GLRX3: variants seen among roughly 807,000 people sequenced by gnomAD.
The protein encoded by GLRX3 is glutaredoxin 3, also known as glutaredoxin-3.
Under a neutral mutation model 49.5 loss-of-function variants are expected in GLRX3, and 22 were observed. That is an observed-to-expected ratio of 0.44 (90% confidence interval 0.32 to 0.63). The LOEUF (loss-of-function observed/expected upper bound fraction) is 0.63, where lower values mean the gene tolerates loss of function less well. Among genes scored for constraint, GLRX3 ranks in the 30% least tolerant of loss-of-function variants. GLRX3 has a pLI of 0.05. For missense variants in GLRX3, 385 were observed against 396.3 expected (o/e 0.97, Z 0.24); for synonymous variants, 133 against 140.0 (o/e 0.95, Z 0.35).
chr10:130,154,072 T>C (rs1392702568), intron 2 of GLRX3, among the ~76,000 whole-genome samples: 1 of 152,216 alleles, frequency 6.6e-6, no homozygotes, highest in African/African-American at 2.4e-5. Context: ...AGCTTCAGTG[T>C]CCTAGGTCGA....
At chr10:130,167,867 C>A (rs559617574) in intron 6 of GLRX3, among the ~76,000 whole-genome samples, 21 of 152,292 alleles carry the variant, frequency 1.4e-4, no homozygotes, top group African/African-American at 5.1e-4. Context: ...TTCCTGTGTT[C>A]TTCATGAGAA....
intron 8 of GLRX3, 119 bp downstream of exon 8, chr10:130,171,755 C>A: frequency 1.4e-6 from 1 of 704,794 alleles, no homozygotes; most frequent in Non-Finnish European, 2.5e-6. Flanking sequence ...TGCTTGAGCC[C>A]AGGTGTTCGA....
intron 2 of GLRX3, among the ~76,000 whole-genome samples, chr10:130,150,177 T>A (rs180731665): frequency 0.023 from 3,480 of 149,744 alleles, 58 homozygotes; most frequent in Non-Finnish European, 0.037. Context: ...GAGGCGGAGG[T>A]TGCAGTGAGT....
In GLRX3 at chr10:130,136,440, A is replaced by AGGCAGCTGT; in HGVS notation, c.21_29dup (p.Ala11_Val13dup). The AGGCAGCTGT allele has an allele frequency of 7.9e-7, 1 of 1,258,420 alleles. No homozygotes were observed. The highest frequency in any genetic ancestry group is 1.0e-6 in the Non-Finnish European group (1 of 995,598). 78.0% of individuals were successfully genotyped at this position (1,258,420 alleles called of 1,614,324 possible). On this transcript the variant is annotated inframe_insertion, in exon 1 of 11. Coordinates refer to ENST00000331244, the MANE Select transcript of GLRX3 (RefSeq NM_006541.5). Reference sequence around the variant, plus strand: ...GGCAGCATGGCGGCGGGGGCGGCTGAGGCAGCTGTAGCGGCCGTGGAGGAG... The same window carrying AGGCAGCTGT: ...GGCAGCATGGCGGCGGGGGCGGCTGAGGCAGCTGTGGCAGCTGTAGCGGCCGTGGAGGAG...
chr10:130,174,991 C>T lies in GLRX3; in HGVS notation c.865-6C>T, dbSNP rs767027729. Reference sequence around the variant, plus strand: ...GATGGTTTCAGGATTCCTGTTGTTTCTTTAGGTTCGGCAAGGATTAAAAGC... The same window carrying T: ...GATGGTTTCAGGATTCCTGTTGTTTTTTTAGGTTCGGCAAGGATTAAAAGC... On this transcript the variant is annotated splice_region_variant and splice_polypyrimidine_tract_variant and intron_variant, in intron 9 of 10. Transcript: ENST00000331244. 1.2e-6 allele frequency: 2 copies of T among 1,602,892 alleles called. No individual in the cohort carries two copies. The highest frequency in any genetic ancestry group is 2.2e-5 in the South Asian group (2 of 90,842).
Position 130,179,456 on chromosome 10 carries a change from GA to G in GLRX3, c.*65del, listed in dbSNP as rs1862985426. The stretch of plus-strand genomic sequence containing the variant: ...TTTAATTACATTGGGAGCAGTTCAT[GA>G]TTTAGTCCTCAGAAATGGACTAGGA... On this transcript the variant is annotated 3_prime_UTR_variant, in exon 11 of 11. Coordinates refer to ENST00000331244, the MANE Select transcript of GLRX3 (RefSeq NM_006541.5). 1.2e-6 allele frequency: 1 copy of G among 841,196 alleles called. No homozygotes were observed. Among genetic ancestry groups the G allele is most frequent in the Non-Finnish European group, 1.9e-6 (1 of 516,570 alleles). The allele number at this position is 841,196 out of a possible 1,614,324, so 52.1% of individuals were successfully genotyped here. A position where few individuals can be genotyped will look rare whatever the true frequency, so the allele number is the denominator to read the frequency against.
chr10:130,162,830 T>C (rs1256651108), intron 4 of GLRX3, among the ~76,000 whole-genome samples: 1 of 152,152 alleles, frequency 6.6e-6, no homozygotes, highest in Non-Finnish European at 1.5e-5. Context: ...TTAGCAACTT[T>C]GGGGACAAGT....
At chr10:130,149,394 A>G (rs1425304042) in intron 2 of GLRX3, among the ~76,000 whole-genome samples, 2 of 151,782 alleles carry the variant, frequency 1.3e-5, no homozygotes, top group Non-Finnish European at 2.9e-5. Flanking sequence ...GTGACCCGAG[A>G]TCGCGCTACT....
At chr10:130,167,872 T>G (rs1862723721) in intron 6 of GLRX3, among the ~76,000 whole-genome samples, 1 of 152,204 alleles carries the variant, frequency 6.6e-6, no homozygotes, top group Admixed American at 6.5e-5. Flanking sequence ...GTGTTCTTCA[T>G]GAGAAAATGA....
rs1206574842 is a variant in GLRX3 at position 130,136,465 on chromosome 10, G to A, written c.45G>A (p.Glu15=). ...AAEAAVAAVE[E]VGSAGQFEEL... ...AGGCAGCTGTAGCGGCCGTGGAGGA[G>A]GTCGGCTCAGCCGGGCAGTTTGAGG... The change falls in exon 1 of 11, where the codon GAG becomes GAA. Residue 15 remains glutamate, a synonymous_variant. Transcript: ENST00000331244. 3.4e-5 allele frequency: 43 copies of A among 1,265,274 alleles called. No homozygotes were observed. Among genetic ancestry groups the A allele is most frequent in the Non-Finnish European group, 4.2e-5 (42 of 999,514 alleles). The allele number at this position is 1,265,274 out of a possible 1,614,324, so 78.4% of individuals were successfully genotyped here.
intron 2 of GLRX3, among the ~76,000 whole-genome samples, chr10:130,149,716 G>C (rs771160481): frequency 2.0e-5 from 3 of 151,360 alleles, no homozygotes; most frequent in Non-Finnish European, 4.4e-5. Flanking sequence ...GCCTGCTGCT[G>C]GTTGTATTTG....
chr10:130,170,816 A>T (rs1040372734), intron 7 of GLRX3, among the ~76,000 whole-genome samples: 7 of 152,182 alleles, frequency 4.6e-5, no homozygotes, highest in African/African-American at 1.7e-4. Context: ...ATAAACTCAA[A>T]AAAGTGTTAG....
intron 7 of GLRX3, among the ~76,000 whole-genome samples, chr10:130,171,007 A>G (rs1862796036): frequency 6.6e-6 from 1 of 152,102 alleles, no homozygotes; most frequent in Non-Finnish European, 1.5e-5. Context: ...GCATGCCTAT[A>G]GTCCCAGCTA....
At chr10:130,150,619 T>G (rs546708257) in intron 2 of GLRX3, among the ~76,000 whole-genome samples, 14 of 152,358 alleles carry the variant, frequency 9.2e-5, no homozygotes, top group African/African-American at 3.1e-4. Flanking sequence ...ATTTTGAAAG[T>G]GCGACTATCT....
chr10:130,144,840 G>T (rs527964351), intron 1 of GLRX3, among the ~76,000 whole-genome samples: 7 of 152,242 alleles, frequency 4.6e-5, no homozygotes, highest in South Asian at 2.1e-4. Context: ...GGGATTGCTG[G>T]GTCAAATGGT....
Position 130,166,672 on chromosome 10 carries a change from T to C in GLRX3, c.644T>C (p.Ile215Thr), listed in dbSNP as rs767502993. Reference protein sequence around the residue: ...VSGELIGGLDIIKELEASEEL... With the variant: ...VSGELIGGLDTIKELEASEEL... Reference sequence around the variant, plus strand: ...GGAGAGCTCATAGGAGGACTTGATATAATTAAGGTTAGAATTGAGAAGTCT... The same window carrying C: ...GGAGAGCTCATAGGAGGACTTGATACAATTAAGGTTAGAATTGAGAAGTCT... Residue 215 changes from isoleucine (I) to threonine (T), a missense_variant, in exon 5 of 11, where the codon ATA becomes ACA. This residue lies in a region of GLRX3 where 374 missense variants were observed against 358.6 expected (regional missense o/e 1.04). Coordinates refer to ENST00000331244, the MANE Select transcript of GLRX3 (RefSeq NM_006541.5). The C allele has an allele frequency of 4.4e-5, 70 of 1,596,224 alleles. No individual in the cohort carries two copies. Among genetic ancestry groups the C allele is most frequent in the Non-Finnish European group, 5.8e-5 (67 of 1,164,882 alleles).
At chr10:130,139,053 G>T (rs546404338) in intron 1 of GLRX3, among the ~76,000 whole-genome samples, 5 of 151,596 alleles carry the variant, frequency 3.3e-5, no homozygotes, top group Non-Finnish European at 1.5e-5. Context: ...GTAGAGATGG[G>T]TTTCACCATG....
At chr10:130,159,753 G>A (rs1400652056) in intron 2 of GLRX3, 5 of 1,224,706 alleles carry the variant, frequency 4.1e-6, no homozygotes, top group Non-Finnish European at 5.1e-6. Context: ...CAGCCTCCAG[G>A]CATCTTTTGA....
chr10:130,172,422 T>G (rs1475502751), intron 8 of GLRX3, among the ~76,000 whole-genome samples: 2 of 152,342 alleles, frequency 1.3e-5, no homozygotes, highest in African/African-American at 4.8e-5. Flanking sequence ...TTGCCATTGA[T>G]TTTTGTGGTT....
Sources: gnomAD v4.1 joint callset for allele counts (sites outside exome capture counted in the v4.1 genomes callset) on GRCh38, gnomAD v4.1.1 for gene constraint, gnomAD v4.1.1 regional missense constraint, MANE v1.5 for transcripts, NCBI Gene and HGNC (gene_info 2026-07-23, HGNC 2026-07-21) for gene names.